NAV2: variants seen among roughly 807,000 people sequenced by gnomAD.
NAV2 encodes the protein helicase, APC down-regulated 1.
NAV2 carries 54 observed loss-of-function variants against 223.2 expected under a neutral mutation model. The ratio of observed to expected loss-of-function variants is 0.24; its 90% CI spans 0.19 to 0.30. NAV2 has a LOEUF of 0.30. Ranked by LOEUF, NAV2 falls within the 10% of genes least tolerant of loss-of-function variation. The probability of loss-of-function intolerance (pLI) is 1.00; values close to 1 mark genes in which losing one functional copy is unlikely to be tolerated. For synonymous variants in NAV2, 1,279 were observed against 1,239.3 expected (o/e 1.03, Z -0.67); for missense variants, 2,806 against 3,147.5 (o/e 0.89, Z 2.60).
intron 1 of NAV2, among the ~76,000 whole-genome samples, chr11:19,775,174 TG>T (rs2056057594): frequency 6.6e-6 from 1 of 152,248 alleles, no homozygotes; most frequent in Non-Finnish European, 1.5e-5. Flanking sequence ...TTTTAGGATT[TG>T]TTTTCCAAAT....
chr11:20,062,287 T>C lies in NAV2; in HGVS notation c.4832-20T>C. The C allele has an allele frequency of 1.5e-6, 2 of 1,375,658 alleles. No homozygotes were observed. The highest frequency in any genetic ancestry group is 2.0e-6 in the Non-Finnish European group (2 of 1,008,512). 85.2% of individuals were successfully genotyped at this position (1,375,658 alleles called of 1,614,324 possible). On this transcript the variant is annotated intron_variant, in intron 19 of 37. Coordinates refer to ENST00000349880, the MANE Select transcript of NAV2 (RefSeq NM_145117.5). ...CATAACAGCCATCTATCAATTCACC[T>C]TTTTTTTTTCTTTTAATAGTTCATG...
chr11:19,856,229 G>T (rs1158210144), intron 3 of NAV2, among the ~76,000 whole-genome samples: 1 of 152,184 alleles, frequency 6.6e-6, no homozygotes, highest in East Asian at 1.9e-4. Context: ...TCCTGTAATG[G>T]AATCCTTCCT....
intron 11 of NAV2, among the ~76,000 whole-genome samples, chr11:19,992,339 T>C (rs1000439016): frequency 2.0e-5 from 3 of 152,208 alleles, no homozygotes; most frequent in Non-Finnish European, 2.9e-5. Context: ...AAACCATCTG[T>C]AACTTAAACC....
intron 1 of NAV2, among the ~76,000 whole-genome samples, chr11:19,668,592 G>A (rs1256914373): frequency 6.8e-6 from 1 of 147,828 alleles, no homozygotes; most frequent in Non-Finnish European, 1.5e-5. Flanking sequence ...GATTTGAAGT[G>A]TGTTTGTAGC....
At chr11:19,792,192 AC>A (rs2057569609) in intron 1 of NAV2, among the ~76,000 whole-genome samples, 1 of 152,180 alleles carries the variant, frequency 6.6e-6, no homozygotes, top group Non-Finnish European at 1.5e-5. Context: ...ACACACATAT[AC>A]TTAGGTCCAG....
At chr11:20,037,842 A>G (rs1466164735) in intron 12 of NAV2, among the ~76,000 whole-genome samples, 3 of 152,078 alleles carry the variant, frequency 2.0e-5, no homozygotes, top group African/African-American at 7.2e-5. Flanking sequence ...TGTGAACACT[A>G]ATTTTTTTTT....
chr11:19,807,582 A>G (rs529756996), intron 1 of NAV2, among the ~76,000 whole-genome samples: 1 of 152,134 alleles, frequency 6.6e-6, no homozygotes, highest in Non-Finnish European at 1.5e-5. Context: ...CTACCACTGA[A>G]CCATCAGCCA....
chr11:19,402,467 T>C (rs770464167), intron 1 of NAV2, among the ~76,000 whole-genome samples: 5 of 152,254 alleles, frequency 3.3e-5, no homozygotes, highest in Non-Finnish European at 7.3e-5. Flanking sequence ...CTATATGCTT[T>C]TGTAGCTCTT....
At chr11:19,515,101 A>T (rs569477567) in intron 1 of NAV2, among the ~76,000 whole-genome samples, 2 of 152,234 alleles carry the variant, frequency 1.3e-5, no homozygotes, top group African/African-American at 4.8e-5. Context: ...TATAACTTGT[A>T]TAAGCATCAG....
At position 19,456,402 on chromosome 11, in the gene NAV2, G is replaced by GGAACAACC. The variant is rs1851960462; in HGVS notation, c.75+105375_75+105376insGAACAACC. ...CTATTGTGTGGAACAACCTTGCAGA[G>GGAACAACC]TAGCTATTATTATCCCTACTTCACA... On this transcript the variant is annotated intron_variant, in intron 1 of 37. Transcript: ENST00000360655. Among the ~76,000 whole-genome samples the GGAACAACC allele has an allele frequency of 2.0e-5, 3 of 152,176 alleles. No homozygotes were observed. In the South Asian group the frequency reaches 6.2e-4, roughly 32 times the overall value.
chr11:19,492,742 T>C (rs1024658676), intron 1 of NAV2, among the ~76,000 whole-genome samples: 8 of 152,234 alleles, frequency 5.3e-5, no homozygotes, highest in African/African-American at 1.9e-4. Flanking sequence ...AAAAATTTTG[T>C]CTTTCAGGAT....
chr11:20,000,825 C>T (rs1161711758), intron 11 of NAV2, among the ~76,000 whole-genome samples: 1 of 152,156 alleles, frequency 6.6e-6, no homozygotes, highest in Non-Finnish European at 1.5e-5. Context: ...CTCCCTCATC[C>T]ACTGCTCTGT....
chr11:20,021,997 A>G (rs1199255187), intron 11 of NAV2, among the ~76,000 whole-genome samples: 1 of 151,692 alleles, frequency 6.6e-6, no homozygotes, highest in East Asian at 1.9e-4. Context: ...TTCCCTAACC[A>G]TCCCCCAGGG....
chr11:19,728,732 G>A (rs1416378252), intron 1 of NAV2, among the ~76,000 whole-genome samples: 1 of 152,242 alleles, frequency 6.6e-6, no homozygotes, highest in Non-Finnish European at 1.5e-5. Context: ...CATCTTGGGT[G>A]TGAGTATGTC....
At chr11:19,383,077 T>A (rs2133941736) in intron 1 of NAV2, among the ~76,000 whole-genome samples, 1 of 152,326 alleles carries the variant, frequency 6.6e-6, no homozygotes, top group East Asian at 1.9e-4. Flanking sequence ...TTTTTCTTGT[T>A]AACTGAGGCT....
chr11:20,091,649 C>T (rs1441686534), intron 27 of NAV2, among the ~76,000 whole-genome samples: 1 of 152,160 alleles, frequency 6.6e-6, no homozygotes, highest in East Asian at 1.9e-4. Context: ...ATGCCTTGCA[C>T]ATTGTAGGTT....
intron 1 of NAV2, among the ~76,000 whole-genome samples, chr11:19,730,517 C>A (rs1327836355): frequency 1.3e-5 from 2 of 152,202 alleles, no homozygotes; most frequent in African/African-American, 4.8e-5. Context: ...GCCGGGCAGG[C>A]AGTGCAGTGC....
intron 1 of NAV2, among the ~76,000 whole-genome samples, chr11:19,757,180 C>G (rs2054303839): frequency 6.6e-6 from 1 of 152,162 alleles, no homozygotes; most frequent in South Asian, 2.1e-4. Context: ...GAGAGAGCAC[C>G]AGAACCTTGG....
intron 1 of NAV2, among the ~76,000 whole-genome samples, chr11:19,814,057 G>C (rs536326827): frequency 6.6e-6 from 1 of 152,156 alleles, no homozygotes; most frequent in Non-Finnish European, 1.5e-5. Context: ...TCATATGTCC[G>C]CCCAGGGTGA....
Sources: allele counts gnomAD v4.1 joint callset (sites outside exome capture counted in the v4.1 genomes callset), GRCh38; gene constraint gnomAD v4.1.1; transcripts MANE v1.5; gene names NCBI Gene and HGNC (gene_info 2026-07-23, HGNC 2026-07-21).